CEP250: variants seen among roughly 807,000 people sequenced by gnomAD.
CEP250 encodes the protein centrosomal protein 250.
CEP250 carries 242 observed loss-of-function variants against 315.7 expected under a neutral mutation model. The ratio of observed to expected loss-of-function variants is 0.77; its 90% CI spans 0.69 to 0.85. The LOEUF (loss-of-function observed/expected upper bound fraction) is 0.85, where lower values mean the gene tolerates loss of function less well. Among genes scored for constraint, CEP250 ranks in the 40% least tolerant of loss-of-function variants. The probability of loss-of-function intolerance (pLI) is 0.00; values close to 1 mark genes in which losing one functional copy is unlikely to be tolerated. For synonymous variants in CEP250, 1,088 were observed against 1,175.0 expected (o/e 0.93, Z 1.51); for missense variants, 2,515 against 2,886.4 (o/e 0.87, Z 2.95).
Position 35,511,768 on chromosome 20 carries a change from A to G in CEP250, c.*142A>G, listed in dbSNP as rs764065205. On this transcript the variant is annotated 3_prime_UTR_variant, in exon 35 of 35. Coordinates refer to ENST00000397527, the MANE Select transcript of CEP250 (RefSeq NM_007186.6). ...GTCGGCGGGTGTTCCCAGGAAGAGG[A>G]AGTAAATCTGCAACCCTGGGGAGGA... The G allele has an allele frequency of 3.9e-5, 55 of 1,426,364 alleles. No individual in the cohort carries two copies. The highest frequency in any genetic ancestry group is 4.5e-5 in the Non-Finnish European group (49 of 1,093,730). The allele number at this position is 1,426,364 out of a possible 1,614,324, so 88.4% of individuals were successfully genotyped here.
In CEP250 at chr20:35,516,958, G is replaced by A. The variant is rs2064441855; in HGVS notation, c.*5332G>A. On this transcript the variant is annotated 3_prime_UTR_variant, in exon 35 of 35. Transcript: ENST00000397527. ...GAGCATAAGCTCAAACCCCCCCATT[G>A]AAGGCTACATTCTTGTCCCACAGGG... 1.0e-6 allele frequency: 1 copy of A among 985,312 alleles called. No homozygotes were observed. The highest frequency in any genetic ancestry group is 1.1e-4 in the East Asian group (1 of 8,836). The allele number at this position is 985,312 out of a possible 1,614,324, so 61.0% of individuals were successfully genotyped here.
At chr20:35,510,163 A>C (rs2147228378) in intron 34 of CEP250, 109 bp downstream of exon 34, 2 of 1,005,550 alleles carry the variant, frequency 2.0e-6, no homozygotes, top group East Asian at 5.0e-5. Flanking sequence ...TTCAGTCTCC[A>C]TGGGAGGCAA....
chr20:35,469,507 G>A lies in CEP250; in HGVS notation c.852-383G>A, dbSNP rs75848005. On this transcript the variant is annotated intron_variant, in intron 9 of 34. Coordinates refer to ENST00000397527, the MANE Select transcript of CEP250 (RefSeq NM_007186.6). ...TTTTCCCTATCAGAGTCAGAACCTC[G>A]GGCTGGAGGGACCTTGGGACTATCC... Among the ~76,000 whole-genome samples, 32 of 152,236 alleles carry A rather than the reference G, an allele frequency of 2.1e-4. No homozygotes were observed. The East Asian group carries it at 6.0e-3, about 28-fold the overall frequency.
chr20:35,500,121 C>G lies in CEP250; in HGVS notation c.3850C>G (p.His1284Asp). ...TACTGAGGCTGAGAAGAGCCAGGTC[C>G]ACACAGAGTTGCAGGATCTGCAGAG... ...TDTEAEKSQVHTELQDLQRQL... is the reference protein window; with the variant it reads ...TDTEAEKSQVDTELQDLQRQL... Residue 1284 changes from histidine (H) to aspartate (D), a missense_variant, in exon 28 of 35, where the codon CAC becomes GAC. Physicochemically the swap from His to Asp is moderately conservative, Grantham distance 81 (BLOSUM62 -1). Transcript: ENST00000397527. 3.7e-6 allele frequency: 6 copies of G among 1,613,546 alleles called. No individual in the cohort carries two copies. Among genetic ancestry groups the G allele is most frequent in the Non-Finnish European group, 4.2e-6 (5 of 1,179,888 alleles).
Position 35,485,064 on chromosome 20 carries a change from TAAAAAAAAAAA to T in CEP250, c.2586+4929_2586+4939del, listed in dbSNP as rs587596547. 7.0e-5 allele frequency among the ~76,000 whole-genome samples: 9 copies of T among 129,228 alleles called. No individual in the cohort carries two copies. The South Asian group carries it at 2.3e-3, about 33-fold the overall frequency. The allele number at this position is 129,228 out of a possible 152,430, so 84.8% of individuals were successfully genotyped here. A position where few individuals can be genotyped will look rare whatever the true frequency, so the allele number is the denominator to read the frequency against. On this transcript the variant is annotated intron_variant, in intron 20 of 34. Transcript: ENST00000397527. ...GCAACATAGCAAGACCCTATCTCTT[TAAAAAAAAAAA>T]AAAAAAAAAGGTAAAGGCTGGGCGC...
At position 35,503,927 on chromosome 20, in the gene CEP250, C is replaced by G. The variant is rs2064099389; in HGVS notation, c.5558C>G (p.Thr1853Arg). 1 of 1,613,590 alleles carries G rather than the reference C, an allele frequency of 6.2e-7. No individual in the cohort carries two copies. Among genetic ancestry groups the G allele is most frequent in the Non-Finnish European group, 8.5e-7 (1 of 1,179,790 alleles). ...GGAGCTCTGGAGCAAGCCCATATGA[C>G]ACTGAAGGAGCGTCATGGAGAGCTT... ...LQGALEQAHM[T>R]LKERHGELQD... is the part of the protein sequence containing the mutation. Residue 1853 changes from threonine to arginine, a missense_variant, in exon 30 of 35, where the codon ACA becomes AGA. Coordinates refer to ENST00000397527, the MANE Select transcript of CEP250 (RefSeq NM_007186.6). The surrounding 1 kb of genome is among the most constrained non-coding windows in gnomAD (Gnocchi z 4.2).
chr20:35,486,278 G>A (rs2063510906), intron 20 of CEP250, among the ~76,000 whole-genome samples: 1 of 152,008 alleles, frequency 6.6e-6, no homozygotes, highest in South Asian at 2.1e-4. Context: ...GCCCAGGCTG[G>A]AGTGCAGTTG....
At chr20:35,484,069 G>T (rs192256995) in intron 20 of CEP250, among the ~76,000 whole-genome samples, 4 of 151,798 alleles carry the variant, frequency 2.6e-5, no homozygotes, top group Admixed American at 1.3e-4. Context: ...TAACGTTTTG[G>T]GGTCTAGTTC....
At chr20:35,497,470 C>T (rs909348957) in intron 25 of CEP250, among the ~76,000 whole-genome samples, 16 of 152,202 alleles carry the variant, frequency 1.1e-4, no homozygotes, top group African/African-American at 3.9e-4. Context: ...CATATCTGCC[C>T]AGGAAGCCAG....
At chr20:35,509,920 G>A in intron 33 of CEP250, 78 bp from the exon 34 acceptor site, 1 of 1,302,970 alleles carries the variant, frequency 7.7e-7, no homozygotes, top group Non-Finnish European at 1.1e-6. Flanking sequence ...AGATTGTGAT[G>A]AGGTTCTGCA....
rs2064442986 is a variant in CEP250, at chr20:35,517,084, C to T, written c.*5458C>T. The T allele has an allele frequency of 1.1e-6, 1 of 942,724 alleles. No individual in the cohort carries two copies. Among genetic ancestry groups the T allele is most frequent in the Non-Finnish European group, 1.3e-6 (1 of 790,980 alleles). 58.4% of individuals were successfully genotyped at this position (942,724 alleles called of 1,614,324 possible). A position where few individuals can be genotyped will look rare whatever the true frequency, so the allele number is the denominator to read the frequency against. On this transcript the variant is annotated 3_prime_UTR_variant, in exon 35 of 35. Transcript: ENST00000397527. ...TACATTCCCCTCTCCTGTTGGCCTC[C>T]ATCCCTTCCTCAACCGTCCGCAGAA...
intron 23 of CEP250, among the ~76,000 whole-genome samples, chr20:35,494,090 C>G (rs1307066148): frequency 1.3e-5 from 2 of 152,156 alleles, no homozygotes; most frequent in Non-Finnish European, 2.9e-5. Flanking sequence ...ATTCTCCCAC[C>G]TCAGCCCCCT....
intron 34 of CEP250, 22 bp from the exon 35 acceptor site, chr20:35,511,341 T>TC (rs770723858): frequency 3.8e-6 from 6 of 1,575,388 alleles, no homozygotes; most frequent in African/African-American, 1.4e-5. Flanking sequence ...TCTCGCTTTT[T>TC]TTTTTTTTTC....
In CEP250 at chr20:35,500,515, T is replaced by C. The variant is rs956714105; in HGVS notation, c.3898+346T>C. Among the ~76,000 whole-genome samples, 5 of 152,310 alleles carry C rather than the reference T, an allele frequency of 3.3e-5. No individual in the cohort carries two copies. The East Asian group carries it at 9.6e-4, about 29-fold the overall frequency. ...ATTGGGGGCTAGAAGGGACCTCCAG[T>C]GTCATCTGGCTCAACCCTGTCTGGA... On this transcript the variant is annotated intron_variant, in intron 28 of 34. Coordinates refer to ENST00000397527, the MANE Select transcript of CEP250 (RefSeq NM_007186.6).
rs2064257992 is a variant in CEP250 at position 35,508,414 on chromosome 20, A to T, written c.6906+224A>T. ...ACTGCAACCTCCACCTCCCGGGTTC[A>T]AGCAATCCTCCTGCCCCAGCCTCCT... On this transcript the variant is annotated intron_variant, in intron 32 of 34. Transcript: ENST00000397527. Among the ~76,000 whole-genome samples the T allele has an allele frequency of 2.0e-5, 3 of 151,714 alleles. 1 individual carries two copies. In the South Asian group the frequency reaches 6.2e-4, roughly 32 times the overall value.
intron 3 of CEP250, among the ~76,000 whole-genome samples, chr20:35,460,748 T>C (rs1438682363): frequency 6.6e-6 from 1 of 152,274 alleles, no homozygotes; most frequent in South Asian, 2.1e-4. Flanking sequence ...AAAACTATTA[T>C]GTGGGCCACA....
At chr20:35,472,951 C>A in intron 12 of CEP250, 120 bp downstream of exon 12, 2 of 939,520 alleles carry the variant, frequency 2.1e-6, no homozygotes, top group Non-Finnish European at 3.2e-6. Context: ...ATGAGGTGTT[C>A]TGTCAATATC....
chr20:35,509,136 C>A, intron 33 of CEP250, 92 bp downstream of exon 33: 1 of 998,978 alleles, frequency 1.0e-6, no homozygotes. Context: ...GGGCCAACAG[C>A]ACTTCAGCTA....
rs2064051114 is a variant in CEP250 at position 35,502,822 on chromosome 20, T to C, written c.4453T>C (p.Cys1485Arg). ...AGAACAGATTCAGGAGCTAGAGAAG[T>C]GTAGGTCTGTTTTAGAGCATCTGCC... Reference protein sequence around the residue: ...QQEQIQELEKCRSVLEHLPMA... With the variant: ...QQEQIQELEKRRSVLEHLPMA... Residue 1485 changes from cysteine (C) to arginine (R), a missense_variant, in exon 30 of 35, where the codon TGT (cysteine) becomes CGT (arginine). Coordinates refer to ENST00000397527, the MANE Select transcript of CEP250 (RefSeq NM_007186.6). The C allele has an allele frequency of 6.2e-7, 1 of 1,614,094 alleles. No individual in the cohort carries two copies. Among genetic ancestry groups the C allele is most frequent in the South Asian group, 1.1e-5 (1 of 91,084 alleles).
Sources: allele counts gnomAD v4.1 joint callset (sites outside exome capture counted in the v4.1 genomes callset), GRCh38; gene constraint gnomAD v4.1.1; non-coding constraint Gnocchi (gnomAD v3.1); transcripts MANE v1.5; gene names NCBI Gene and HGNC (gene_info 2026-07-23, HGNC 2026-07-21).